VPS13C: variants seen among roughly 807,000 people sequenced by gnomAD.
The protein encoded by VPS13C is intermembrane lipid transfer protein VPS13C.
A neutral mutation model predicts 456.8 loss-of-function variants in VPS13C; 358 were observed. The ratio of observed to expected loss-of-function variants is 0.78; its 90% CI spans 0.72 to 0.86. The LOEUF is 0.86. VPS13C is among the 40% of genes least tolerant of loss of function. The pLI, the probability that VPS13C is intolerant of heterozygous loss-of-function variation, is 0.00. For missense variants in VPS13C, 4,818 were observed against 4,385.4 expected, an observed-to-expected ratio of 1.10 and a Z score of -2.79; for synonymous variants, 1,578 against 1,486.7, an observed-to-expected ratio of 1.06 and a Z score of -1.41.
intron 66 of VPS13C, among the ~76,000 whole-genome samples, chr15:61,901,082 T>C (rs2042981937): frequency 1.3e-5 from 2 of 151,492 alleles, no homozygotes; most frequent in African/African-American, 2.4e-5. Context: ...ACTGGATCCC[T>C]TCCTTACACC....
intron 18 of VPS13C, among the ~76,000 whole-genome samples, chr15:61,985,436 T>C (rs1004998515): frequency 2.6e-5 from 4 of 152,100 alleles, no homozygotes; most frequent in African/African-American, 9.7e-5. Context: ...TTTGTGTTTT[T>C]AGTAGAGATG....
chr15:61,959,628 G>A lies in VPS13C; in HGVS notation c.3909-33C>T, dbSNP rs763393851. The A allele has an allele frequency of 2.5e-6, 4 of 1,590,076 alleles. No homozygotes were observed. In the African/African-American group the frequency reaches 5.4e-5, roughly 21 times the overall value. On this transcript the variant is annotated intron_variant, in intron 35 of 84. Coordinates refer to ENST00000644861, the MANE Select transcript of VPS13C (RefSeq NM_020821.3). ...AAACAGAAATGTTACATAATGCATA[G>A]ATATAGGGTAGAAATGCAACATATT...
chr15:61,954,263 C>G (rs1156617172), intron 38 of VPS13C, among the ~76,000 whole-genome samples, 158 bp downstream of exon 38: 3 of 152,072 alleles, frequency 2.0e-5, no homozygotes, highest in African/African-American at 7.2e-5. Flanking sequence ...CTCCCAAATC[C>G]TTAACAAACT....
chr15:62,020,570 T>C, intron 8 of VPS13C, 32 bp from the exon 9 acceptor site: 7 of 1,604,888 alleles, frequency 4.4e-6, no homozygotes, highest in Non-Finnish European at 6.0e-6. Flanking sequence ...CAGTAAAATA[T>C]GCTGATGGTG....
chr15:61,885,291 A>G (rs1212572630), intron 67 of VPS13C, among the ~76,000 whole-genome samples: 1 of 152,160 alleles, frequency 6.6e-6, no homozygotes, highest in Non-Finnish European at 1.5e-5. Context: ...AAAAAACATC[A>G]TCAATTCTGC....
Position 62,003,159 on chromosome 15 carries a change from T to C in VPS13C, c.1291-2533A>G, listed in dbSNP as rs1276160197. Among the ~76,000 whole-genome samples, 1,364 of 151,710 alleles carry C rather than the reference T, an allele frequency of 9.0e-3. 28 individuals carry two copies. The highest frequency in any genetic ancestry group is 0.032 in the African/African-American group (1,307 of 40,994). On this transcript the variant is annotated intron_variant, in intron 15 of 84. Coordinates refer to ENST00000644861, the MANE Select transcript of VPS13C (RefSeq NM_020821.3). ...ATTCTTCCTATCCATGAGCATGGAA[T>C]GTTCTTCCATTTGTTTGTGTCCTCT...
chr15:61,984,034 G>A (rs943213726), intron 19 of VPS13C, 22 bp from the exon 20 acceptor site: 1 of 1,596,602 alleles, frequency 6.3e-7, no homozygotes, highest in African/African-American at 1.3e-5. Flanking sequence ...TGAAGAACAA[G>A]GAAAGATGCA....
At chr15:62,012,554 T>G (rs1346129408) in intron 11 of VPS13C, among the ~76,000 whole-genome samples, 1 of 151,956 alleles carries the variant, frequency 6.6e-6, no homozygotes, top group Non-Finnish European at 1.5e-5. Flanking sequence ...AAAATTGAAT[T>G]GTTCTTTCTT....
intron 1 of VPS13C, among the ~76,000 whole-genome samples, chr15:62,054,489 CAT>C (rs993913705): frequency 3.3e-5 from 5 of 152,112 alleles, no homozygotes; most frequent in African/African-American, 1.2e-4. Flanking sequence ...CCAAACAACA[CAT>C]GTTCTCATTC....
intron 68 of VPS13C, among the ~76,000 whole-genome samples, chr15:61,883,112 T>C (rs998988294): frequency 6.6e-6 from 1 of 151,788 alleles, no homozygotes; most frequent in Non-Finnish European, 1.5e-5. Context: ...AGCCTCAACC[T>C]CCTGGCCTCA....
intron 47 of VPS13C, among the ~76,000 whole-genome samples, chr15:61,937,455 TC>T (rs949264078): frequency 6.6e-6 from 1 of 152,088 alleles, no homozygotes; most frequent in African/African-American, 2.4e-5. Context: ...TTTCTTAACG[TC>T]CTTAACTCAA....
At chr15:61,866,444 T>C in intron 81 of VPS13C, 4 of 984,228 alleles carry the variant, frequency 4.1e-6, no homozygotes, top group Non-Finnish European at 4.8e-6. Flanking sequence ...TAAGAAAAAA[T>C]CTTAAGTTAC....
intron 80 of VPS13C, 117 bp downstream of exon 80, chr15:61,869,383 G>T: frequency 1.7e-6 from 2 of 1,178,774 alleles, no homozygotes; most frequent in Non-Finnish European, 2.3e-6. Flanking sequence ...AGCTACCACA[G>T]CTTTCAATTA....
intron 65 of VPS13C, among the ~76,000 whole-genome samples, chr15:61,907,988 C>T (rs2043197854): frequency 6.6e-6 from 1 of 152,158 alleles, no homozygotes; most frequent in Non-Finnish European, 1.5e-5. Flanking sequence ...TATGTTCACA[C>T]TGTTACTACA....
At chr15:61,901,841 A>T (rs1408207533) in intron 66 of VPS13C, among the ~76,000 whole-genome samples, 1 of 152,196 alleles carries the variant, frequency 6.6e-6, no homozygotes. Flanking sequence ...TATTCACAAT[A>T]GCAAAGACTC....
intron 9 of VPS13C, among the ~76,000 whole-genome samples, chr15:62,018,848 T>C (rs952650703): frequency 3.2e-4 from 48 of 152,186 alleles, no homozygotes; most frequent in Non-Finnish European, 6.6e-4. Flanking sequence ...ATTGGAATAG[T>C]TTCAGAAGGA....
chr15:61,884,317 C>G, intron 67 of VPS13C, 48 bp from the exon 68 acceptor site: 1 of 1,568,484 alleles, frequency 6.4e-7, no homozygotes, highest in Non-Finnish European at 8.6e-7. Context: ...GTATTTAGGT[C>G]TGTGGAACTT....
intron 1 of VPS13C, among the ~76,000 whole-genome samples, chr15:62,047,272 T>C (rs982492279): frequency 6.7e-6 from 1 of 150,370 alleles, no homozygotes; most frequent in African/African-American, 2.4e-5. Context: ...AAAAAAAAAA[T>C]CAAAAATTAG....
At chr15:62,059,737 T>C (rs896978886) in intron 1 of VPS13C, among the ~76,000 whole-genome samples, 5 of 152,238 alleles carry the variant, frequency 3.3e-5, no homozygotes, top group African/African-American at 9.6e-5. Flanking sequence ...AGCACACGCC[T>C]ATCTTAAAGA....
Sources: gnomAD v4.1 joint callset for allele counts (sites outside exome capture counted in the v4.1 genomes callset) on GRCh38, gnomAD v4.1.1 for gene constraint, MANE v1.5 for transcripts, NCBI Gene and HGNC (gene_info 2026-07-23, HGNC 2026-07-21) for gene names.